Variants in DYNC1I1 observed in about 807,000 individuals in gnomAD.
The protein encoded by DYNC1I1 is dynein cytoplasmic 1 intermediate chain 1.
A neutral mutation model predicts 86.6 loss-of-function variants in DYNC1I1; 43 were observed. The observed-to-expected ratio is 0.50, with a 90% CI of 0.39 to 0.64. The LOEUF (loss-of-function observed/expected upper bound fraction) is 0.64, where lower values mean the gene tolerates loss of function less well. DYNC1I1 is among the 30% of genes least tolerant of loss of function. The pLI, the probability that DYNC1I1 is intolerant of heterozygous loss-of-function variation, is 0.00. For missense variants in DYNC1I1, 604 were observed against 788.8 expected (o/e 0.77, Z 2.81); for synonymous variants, 262 against 283.7 (o/e 0.92, Z 0.77).
intron 4 of DYNC1I1, among the ~76,000 whole-genome samples, chr7:95,817,536 A>G (rs937637998): frequency 6.6e-6 from 1 of 152,212 alleles, no homozygotes. Flanking sequence ...AGTTTTAGCA[A>G]TTATTATAAT....
intron 14 of DYNC1I1, among the ~76,000 whole-genome samples, chr7:96,053,275 A>G (rs1789461269): frequency 6.6e-6 from 1 of 152,220 alleles, no homozygotes; most frequent in Admixed American, 6.5e-5. Context: ...GCATTATGCC[A>G]CTGATGTCAC....
intron 6 of DYNC1I1, among the ~76,000 whole-genome samples, chr7:95,939,307 T>A (rs1792135925): frequency 6.6e-6 from 1 of 152,208 alleles, no homozygotes; most frequent in Non-Finnish European, 1.5e-5. Flanking sequence ...TAGATATCTA[T>A]TAGGTCTGCT....
intron 1 of DYNC1I1, among the ~76,000 whole-genome samples, chr7:95,779,548 T>C (rs1279863534): frequency 6.6e-6 from 1 of 152,226 alleles, no homozygotes; most frequent in African/African-American, 2.4e-5. Context: ...TGCCTTCCTT[T>C]GAACCAAAGG....
At chr7:95,976,768 C>G (rs992305758) in intron 6 of DYNC1I1, among the ~76,000 whole-genome samples, 8 of 152,108 alleles carry the variant, frequency 5.3e-5, no homozygotes, top group African/African-American at 1.9e-4. Context: ...TACACTGTGC[C>G]TGATGCTTTC....
intron 5 of DYNC1I1, among the ~76,000 whole-genome samples, chr7:95,867,736 G>T (rs1790051681): frequency 6.6e-6 from 1 of 152,154 alleles, no homozygotes; most frequent in Non-Finnish European, 1.5e-5. Context: ...GGTTTAGGGT[G>T]ATCTCTCTGT....
chr7:95,905,486 C>T (rs370658767), intron 6 of DYNC1I1, among the ~76,000 whole-genome samples: 2 of 152,152 alleles, frequency 1.3e-5, no homozygotes, highest in African/African-American at 4.8e-5. Flanking sequence ...AGGCCACTGT[C>T]ATTTTTCCTC....
At chr7:96,022,176 AT>A (rs997440855) in intron 10 of DYNC1I1, among the ~76,000 whole-genome samples, 37 of 152,276 alleles carry the variant, frequency 2.4e-4, no homozygotes, top group African/African-American at 7.2e-4. Flanking sequence ...ACTTATTTCC[AT>A]TTTTAAAAAA....
At chr7:96,022,652 C>T (rs1794581853) in intron 10 of DYNC1I1, among the ~76,000 whole-genome samples, 1 of 151,812 alleles carries the variant, frequency 6.6e-6, no homozygotes, top group South Asian at 2.1e-4. Context: ...TGCTTGAGCC[C>T]AGGAGTTTGA....
intron 6 of DYNC1I1, among the ~76,000 whole-genome samples, chr7:95,887,596 A>G (rs1227530115): frequency 6.6e-6 from 1 of 152,126 alleles, no homozygotes; most frequent in Non-Finnish European, 1.5e-5. Flanking sequence ...ACCCTTCTCT[A>G]TGAGCAAGGA....
intron 6 of DYNC1I1, among the ~76,000 whole-genome samples, chr7:95,874,760 A>G (rs369481280): frequency 4.4e-4 from 67 of 152,218 alleles, no homozygotes; most frequent in African/African-American, 1.5e-3. Context: ...AGCTTTCACC[A>G]GAAAATGAAC....
intron 5 of DYNC1I1, among the ~76,000 whole-genome samples, chr7:95,858,154 G>T (rs1016228513): frequency 1.3e-5 from 2 of 152,144 alleles, no homozygotes; most frequent in Non-Finnish European, 2.9e-5. Context: ...TGGCTGAAAG[G>T]GACAGGCCTG....
intron 16 of DYNC1I1, among the ~76,000 whole-genome samples, chr7:96,087,445 G>C (rs1790715708): frequency 6.6e-6 from 1 of 152,194 alleles, no homozygotes; most frequent in African/African-American, 2.4e-5. Flanking sequence ...ATCCAGGTAT[G>C]ATCATCTGAA....
chr7:95,955,009 A>G (rs1051445099), intron 6 of DYNC1I1, among the ~76,000 whole-genome samples: 6 of 151,936 alleles, frequency 3.9e-5, no homozygotes, highest in Admixed American at 2.0e-4. Context: ...AGTGCTATGC[A>G]ACATGTGCTC....
chr7:96,026,828 C>G (rs1277147450), intron 10 of DYNC1I1, among the ~76,000 whole-genome samples: 1 of 152,134 alleles, frequency 6.6e-6, no homozygotes, highest in Non-Finnish European at 1.5e-5. Flanking sequence ...CTCCTCTCCC[C>G]CTCCCTAACT....
downstream of DYNC1I1, chr7:96,110,167 C>T (rs556128993): frequency 1.0e-4 from 39 of 372,642 alleles, no homozygotes; most frequent in Non-Finnish European, 1.8e-4. Flanking sequence ...TTAGTTCTTT[C>T]AGTTCTATCA....
chr7:95,962,609 G>C (rs191781201), intron 6 of DYNC1I1, among the ~76,000 whole-genome samples: 5 of 152,032 alleles, frequency 3.3e-5, no homozygotes, highest in Admixed American at 3.3e-4. Context: ...TGACAAAGCA[G>C]CTCTGTATCC....
chr7:95,805,858 C>A (rs964597641), intron 2 of DYNC1I1, among the ~76,000 whole-genome samples: 1 of 152,168 alleles, frequency 6.6e-6, no homozygotes, highest in Non-Finnish European at 1.5e-5. Flanking sequence ...GCCTTACAAT[C>A]TAAATAAGTG....
At chr7:96,017,154 A>G (rs957730564) in intron 10 of DYNC1I1, among the ~76,000 whole-genome samples, 3 of 152,160 alleles carry the variant, frequency 2.0e-5, no homozygotes, top group African/African-American at 7.2e-5. Context: ...ACTTTCATAA[A>G]TCAAAGAGGT....
chr7:96,048,141 A>AG (rs1344982602), intron 14 of DYNC1I1, among the ~76,000 whole-genome samples: 2 of 152,174 alleles, frequency 1.3e-5, no homozygotes, highest in African/African-American at 2.4e-5. Context: ...GTCCTGTAAG[A>AG]GATGGGACAG....
Sources: allele counts gnomAD v4.1 joint callset (sites outside exome capture counted in the v4.1 genomes callset), GRCh38; gene constraint gnomAD v4.1.1; transcripts MANE v1.5; gene names NCBI Gene and HGNC (gene_info 2026-07-23, HGNC 2026-07-21).